The following ZMYM4 variants were observed in gnomAD, a reference collection of about 807,000 sequenced individuals.
The protein encoded by ZMYM4 is zinc finger MYM-type protein 4.
A neutral mutation model predicts 183.2 loss-of-function variants in ZMYM4; 31 were observed. The observed-to-expected ratio is 0.17, with a 90% CI of 0.13 to 0.23. ZMYM4 has a LOEUF of 0.23. Ranked by LOEUF, ZMYM4 falls within the 10% of genes least tolerant of loss-of-function variation. The probability of loss-of-function intolerance (pLI) is 1.00; values close to 1 mark genes in which losing one functional copy is unlikely to be tolerated. For synonymous variants in ZMYM4, 592 were observed against 631.2 expected, an observed-to-expected ratio of 0.94 and a Z score of 0.93; for missense variants, 1,273 against 1,840.3, an observed-to-expected ratio of 0.69 and a Z score of 5.64.
In ZMYM4 at chr1:35,392,507, A is replaced by G. The variant is rs1570511135; in HGVS notation, c.2729-140A>G. On this transcript the variant is annotated intron_variant, in intron 16 of 29. Transcript: ENST00000314607. ...CAAGTTTCATATCTCATACTTTAGA[A>G]TTGCTAGTTTCTTCCGTTGAATTAA... The G allele has an allele frequency of 7.0e-6, 9 of 1,279,534 alleles. No individual in the cohort carries two copies. In the East Asian group the frequency reaches 1.5e-4, roughly 21 times the overall value. 79.3% of individuals were successfully genotyped at this position (1,279,534 alleles called of 1,614,324 possible). A position where few individuals can be genotyped will look rare whatever the true frequency, so the allele number is the denominator to read the frequency against.
rs1644865872 is a variant in ZMYM4, at chr1:35,399,533, C to T, written c.3485C>T (p.Thr1162Ile). Reference protein sequence around the residue: ...KGQGIQARSRTRRRHRDGFPQ... With the variant: ...KGQGIQARSRIRRRHRDGFPQ... ...CAGGGAATCCAGGCACGTTCCCGAACAAGACGACGACACAGAGATGGCTTC... is the reference window on the plus strand; with the variant it reads ...CAGGGAATCCAGGCACGTTCCCGAATAAGACGACGACACAGAGATGGCTTC... Residue 1162 changes from threonine (T) to isoleucine (I), a missense_variant, in exon 23 of 30, where the codon ACA becomes ATA. Thr to Ile is a moderately conservative substitution (Grantham distance 89). Transcript: ENST00000314607. The T allele has an allele frequency of 6.2e-7, 1 of 1,614,136 alleles. No individual in the cohort carries two copies. The highest frequency in any genetic ancestry group is 8.5e-7 in the Non-Finnish European group (1 of 1,180,028).
intron 2 of ZMYM4, chr1:35,350,847 TAAATACA>T: frequency 1.8e-6 from 1 of 559,668 alleles, no homozygotes; most frequent in Non-Finnish European, 3.2e-6. Context: ...AGGATAAAAA[TAAATACA>T]AAACACACAA....
chr1:35,282,775 T>C (rs1432405599), intron 1 of ZMYM4, among the ~76,000 whole-genome samples: 1 of 152,068 alleles, frequency 6.6e-6, no homozygotes, highest in Non-Finnish European at 1.5e-5. Context: ...AGGCTGGTCT[T>C]GAACTCCTGA....
rs773561596 is a variant in ZMYM4 at position 35,392,214 on chromosome 1, A to C, written c.2590A>C (p.Asn864His). Residue 864 changes from asparagine (N) to histidine (H), a missense_variant and splice_region_variant, in exon 16 of 30, where the codon AAT becomes CAT. Around this residue, in one of 6 missense-constraint regions of ZMYM4, gnomAD observed 290 missense variants for 353.3 expected, o/e 0.82. Coordinates refer to ENST00000314607, the MANE Select transcript of ZMYM4 (RefSeq NM_005095.3). ...TTATTTTTGTTTATTTTAATCAGCAAATATTTCCATGGTTCAAGCTGCTTC... is the reference window on the plus strand; with the variant it reads ...TTATTTTTGTTTATTTTAATCAGCACATATTTCCATGGTTCAAGCTGCTTC... ...CDPPSQNNAA[N>H]ISMVQAASAG... 2 of 1,614,204 alleles carry C rather than the reference A, an allele frequency of 1.2e-6. No individual in the cohort carries two copies. Among genetic ancestry groups the C allele is most frequent in the Admixed American group, 1.7e-5 (1 of 60,024 alleles).
At chr1:35,418,029 C>A (rs1387233364) in intron 28 of ZMYM4, among the ~76,000 whole-genome samples, 3 of 151,802 alleles carry the variant, frequency 2.0e-5, no homozygotes, top group Non-Finnish European at 4.4e-5. Context: ...AAAGAGATGG[C>A]AACTTCTGTC....
At chr1:35,323,448 CTG>C (rs1461682533) in intron 1 of ZMYM4, among the ~76,000 whole-genome samples, 2 of 152,178 alleles carry the variant, frequency 1.3e-5, no homozygotes, top group Non-Finnish European at 1.5e-5. Context: ...CAAAAACAAA[CTG>C]TTATTAAACA....
intron 2 of ZMYM4, among the ~76,000 whole-genome samples, chr1:35,336,391 T>C (rs1570381218): frequency 6.9e-6 from 1 of 145,230 alleles, no homozygotes; most frequent in East Asian, 2.0e-4. Flanking sequence ...ACAATTACCT[T>C]TTTTTTTTTT....
Position 35,361,252 on chromosome 1 carries a change from T to C in ZMYM4, c.666T>C (p.Phe222=). The part of the protein sequence containing the change: ...THLPQTPETN[F]RDSSYPFANK... Reference sequence around the variant, plus strand: ...TACCACAAACCCCAGAAACAAACTTTAGGGTAAGTTTTCAGTGTGTATGTA... The same window carrying C: ...TACCACAAACCCCAGAAACAAACTTCAGGGTAAGTTTTCAGTGTGTATGTA... The change falls in exon 4 of 30, where the codon TTT becomes TTC. Residue 222 remains phenylalanine (F), a synonymous_variant. Coordinates refer to ENST00000314607, the MANE Select transcript of ZMYM4 (RefSeq NM_005095.3). 3 of 1,604,806 alleles carry C rather than the reference T, an allele frequency of 1.9e-6. No homozygotes were observed. Among genetic ancestry groups the C allele is most frequent in the South Asian group, 2.3e-5 (2 of 88,348 alleles).
chr1:35,328,801 C>T (rs1010059820), intron 2 of ZMYM4, among the ~76,000 whole-genome samples: 4 of 152,098 alleles, frequency 2.6e-5, no homozygotes, highest in Non-Finnish European at 5.9e-5. Flanking sequence ...GGGCAGACAG[C>T]TACATAGATG....
chr1:35,387,246 T>C lies in ZMYM4; in HGVS notation c.2080T>C (p.Phe694Leu). 1 of 1,614,138 alleles carries C rather than the reference T, an allele frequency of 6.2e-7. No individual in the cohort carries two copies. Among genetic ancestry groups the C allele is most frequent in the Non-Finnish European group, 8.5e-7 (1 of 1,179,986 alleles). The change falls in exon 12 of 30, where the codon TTT becomes CTT. Residue 694 changes from phenylalanine to leucine, a missense_variant. Around this residue, in one of 6 missense-constraint regions of ZMYM4, gnomAD observed 319 missense variants for 518.1 expected, o/e 0.62. Transcript: ENST00000314607. Reference protein sequence around the residue: ...KLKCQHCNRLFATKPELLDYK... With the variant: ...KLKCQHCNRLLATKPELLDYK... ...CAAATGTCAACACTGTAACCGTCTT[T>C]TTGCCACAAAACCAGAACTTCTTGA...
intron 13 of ZMYM4, among the ~76,000 whole-genome samples, chr1:35,388,680 C>T (rs539422559): frequency 1.5e-3 from 228 of 152,088 alleles, no homozygotes; most frequent in Non-Finnish European, 2.6e-3. Context: ...AAACTTTGTC[C>T]TAGACCACTT....
intron 1 of ZMYM4, among the ~76,000 whole-genome samples, chr1:35,294,210 G>A (rs933660763): frequency 6.6e-6 from 1 of 151,810 alleles, no homozygotes; most frequent in Admixed American, 6.6e-5. Context: ...AATTGACTGT[G>A]GCATATCTTA....
intron 1 of ZMYM4, among the ~76,000 whole-genome samples, chr1:35,274,083 A>C (rs1639748350): frequency 6.6e-6 from 1 of 152,278 alleles, no homozygotes; most frequent in South Asian, 2.1e-4. Context: ...TAATTCCTTA[A>C]TTAACTTTTT....
chr1:35,293,864 G>GA (rs1352798816), intron 1 of ZMYM4, among the ~76,000 whole-genome samples: 1 of 152,058 alleles, frequency 6.6e-6, no homozygotes, highest in African/African-American at 2.4e-5. Flanking sequence ...AATTATTTAA[G>GA]AATCAGGCCA....
At chr1:35,325,602 A>G (rs1642470910) in intron 2 of ZMYM4, among the ~76,000 whole-genome samples, 197 bp downstream of exon 2, 1 of 152,134 alleles carries the variant, frequency 6.6e-6, no homozygotes, top group African/African-American at 2.4e-5. Context: ...CTTTTTTTCA[A>G]TAAATATTTT....
At chr1:35,405,313 T>TA (rs1644982773) in intron 24 of ZMYM4, 60 bp from the exon 25 acceptor site, 1 of 1,579,026 alleles carries the variant, frequency 6.3e-7, no homozygotes, top group Admixed American at 2.0e-5. Context: ...GGGCTTTACT[T>TA]AATTTTTTCC....
In ZMYM4 at chr1:35,381,663, T is replaced by C; in HGVS notation, c.1474T>C (p.Tyr492His). Residue 492 changes from tyrosine (Y) to histidine (H), a missense_variant, in exon 9 of 30, where the codon TAC becomes CAC. Physicochemically the swap from Tyr to His is moderately conservative, Grantham distance 83 (BLOSUM62 2). Around this residue, in one of 6 missense-constraint regions of ZMYM4, gnomAD observed 319 missense variants for 518.1 expected, o/e 0.62. Coordinates refer to ENST00000314607, the MANE Select transcript of ZMYM4 (RefSeq NM_005095.3). ...GAACTGTTGTGAGAACTGTGGGGGT[T>C]ACTGTTACAGTGGGTCGGGACAATG... ...TMNCCENCGGYCYSGSGQCHM... is the reference protein window; with the variant it reads ...TMNCCENCGGHCYSGSGQCHM... The C allele has an allele frequency of 6.2e-7, 1 of 1,614,252 alleles. No homozygotes were observed. The highest frequency in any genetic ancestry group is 8.5e-7 in the Non-Finnish European group (1 of 1,180,042).
In ZMYM4 at chr1:35,419,455, T is replaced by C. The variant is rs1640249864; in HGVS notation, c.4440-15T>C. 2 of 1,605,812 alleles carry C rather than the reference T, an allele frequency of 1.2e-6. No homozygotes were observed. The highest frequency in any genetic ancestry group is 1.7e-6 in the Non-Finnish European group (2 of 1,177,564). ...AATTTTCTTTTTTCTCTTTTTTTTT[T>C]TCCCCTGTGGATAGTTCTGAAAGTG... On this transcript the variant is annotated splice_polypyrimidine_tract_variant and intron_variant, in intron 29 of 29. Coordinates refer to ENST00000314607, the MANE Select transcript of ZMYM4 (RefSeq NM_005095.3).
intron 7 of ZMYM4, among the ~76,000 whole-genome samples, chr1:35,375,019 C>T (rs1644304111): frequency 6.6e-6 from 1 of 152,122 alleles, no homozygotes; most frequent in African/African-American, 2.4e-5. Context: ...AACCTGTTAT[C>T]CCTTGACTCT....
Sources: gnomAD v4.1 joint callset for allele counts (sites outside exome capture counted in the v4.1 genomes callset) on GRCh38, gnomAD v4.1.1 for gene constraint, gnomAD v4.1.1 regional missense constraint, MANE v1.5 for transcripts, NCBI Gene and HGNC (gene_info 2026-07-23, HGNC 2026-07-21) for gene names.